Variants in TAFA4 observed in about 807,000 individuals in gnomAD.
TAFA4 encodes chemokine-like protein TAFA-4.
A neutral mutation model predicts 21.1 loss-of-function variants in TAFA4; 20 were observed. The ratio of observed to expected loss-of-function variants is 0.95; its 90% CI spans 0.67 to 1.38. The LOEUF is 1.38. TAFA4 is among the 40% of genes most tolerant of loss of function. The probability of loss-of-function intolerance (pLI) is 0.00; values close to 1 mark genes in which losing one functional copy is unlikely to be tolerated. For missense variants in TAFA4, 211 were observed against 180.9 expected (o/e 1.17, Z -0.95); for synonymous variants, 71 against 67.4 (o/e 1.05, Z -0.26).
intron 3 of TAFA4, among the ~76,000 whole-genome samples, chr3:68,763,392 C>A (rs1702790682): frequency 6.6e-6 from 1 of 152,156 alleles, no homozygotes; most frequent in South Asian, 2.1e-4. Context: ...GAGCCTTCTT[C>A]CTACACCAAA....
chr3:68,758,995 A>C lies in TAFA4; in HGVS notation c.131-5977T>G, dbSNP rs115521592. ...GGGGACTCAGGAGAGCCATTTGTCT[A>C]GTTTCAGTCCAAGTCCAAAGGCCTG... On this transcript the variant is annotated intron_variant, in intron 3 of 5. Transcript: ENST00000295569. Among the ~76,000 whole-genome samples the C allele has an allele frequency of 5.7e-3, 866 of 152,314 alleles. 11 individuals are homozygous for C. Among genetic ancestry groups the C allele is most frequent in the African/African-American group, 0.02 (837 of 41,574 alleles).
At chr3:68,769,195 G>GGGAT (rs1575601506) in intron 3 of TAFA4, among the ~76,000 whole-genome samples, 1 of 152,132 alleles carries the variant, frequency 6.6e-6, no homozygotes, top group East Asian at 1.9e-4. Context: ...GCACATGGGA[G>GGGAT]GGATCTAGGT....
intron 3 of TAFA4, among the ~76,000 whole-genome samples, chr3:68,764,087 GAAA>G (rs1412369131): frequency 3.3e-5 from 5 of 152,052 alleles, no homozygotes; most frequent in African/African-American, 1.2e-4. Context: ...TTCATATGTT[GAAA>G]CTCTAGCCCT....
rs1206237996 is a variant in TAFA4, at chr3:68,733,138, T to C, written c.*4A>G. The C allele has an allele frequency of 6.2e-7, 1 of 1,613,238 alleles. No individual in the cohort carries two copies. Among genetic ancestry groups the C allele is most frequent in the Non-Finnish European group, 8.5e-7 (1 of 1,179,436 alleles). On this transcript the variant is annotated 3_prime_UTR_variant, in exon 6 of 6. Coordinates refer to ENST00000295569, the MANE Select transcript of TAFA4 (RefSeq NM_182522.5). The stretch of plus-strand genomic sequence containing the variant: ...TCCAGGATTGAAGCACACCTCTCTC[T>C]TCGCTACCGCGTTACCTAAAACAAA...
At chr3:68,774,434 G>T (rs939240806) in intron 3 of TAFA4, among the ~76,000 whole-genome samples, 5 of 151,954 alleles carry the variant, frequency 3.3e-5, no homozygotes, top group African/African-American at 1.2e-4. Flanking sequence ...CTTGTGGAAA[G>T]GAAAATTCTC....
At chr3:68,805,720 C>G (rs889534544) in intron 3 of TAFA4, among the ~76,000 whole-genome samples, 4 of 151,960 alleles carry the variant, frequency 2.6e-5, no homozygotes, top group African/African-American at 9.7e-5. Context: ...AAACCAAACA[C>G]CGCGTGTTCT....
intron 1 of TAFA4, among the ~76,000 whole-genome samples, chr3:68,909,326 C>T (rs897024531): frequency 6.6e-6 from 1 of 152,128 alleles, no homozygotes; most frequent in East Asian, 1.9e-4. Context: ...ATATCCATGG[C>T]GCTGAAGAAG....
At chr3:68,885,116 C>CT (rs1334107023) in intron 2 of TAFA4, 59 bp downstream of exon 2, 1 of 1,566,376 alleles carries the variant, frequency 6.4e-7, no homozygotes, top group African/African-American at 1.4e-5. Flanking sequence ...CTCACTTTTG[C>CT]TAAATTCTCA....
chr3:68,733,715 T>G (rs1256552419), intron 5 of TAFA4, among the ~76,000 whole-genome samples: 3 of 152,176 alleles, frequency 2.0e-5, no homozygotes, highest in Admixed American at 6.5e-5. Context: ...TTTTACGTGT[T>G]TGTTAGTCAA....
At chr3:68,857,727 A>T (rs1705101548) in intron 3 of TAFA4, among the ~76,000 whole-genome samples, 1 of 152,116 alleles carries the variant, frequency 6.6e-6, no homozygotes, top group Non-Finnish European at 1.5e-5. Context: ...AAAGTGTTCA[A>T]GACTGTTCCG....
chr3:68,882,202 A>C lies in TAFA4; in HGVS notation c.15-1357T>G, dbSNP rs2089626840. Among the ~76,000 whole-genome samples, 5 of 152,174 alleles carry C rather than the reference A, an allele frequency of 3.3e-5. No individual in the cohort carries two copies. In the South Asian group the frequency reaches 1.0e-3, roughly 32 times the overall value. On this transcript the variant is annotated intron_variant, in intron 2 of 5. Coordinates refer to ENST00000295569, the MANE Select transcript of TAFA4 (RefSeq NM_182522.5). ...TGGGTAATTTGCAATGCAGCAATAA[A>C]AAATTAATCTTTCATTTATGTGATG...
chr3:68,739,096 G>C lies in TAFA4; in HGVS notation c.390C>G (p.Gly130=), dbSNP rs1241734505. The change falls in exon 5 of 6, where the codon GGC becomes GGG. Residue 130 remains glycine (G), a synonymous_variant. Transcript: ENST00000295569. Reference sequence around the variant, plus strand: ...TTGCCTTCGTAGTTTTGACTTTATTGCCACTGCTACAGGACCAACCTGAGT... The same window carrying C: ...TTGCCTTCGTAGTTTTGACTTTATTCCCACTGCTACAGGACCAACCTGAGT... ...PDYSGWSCSS[G]NKVKTTKVTR The C allele has an allele frequency of 6.2e-7, 1 of 1,613,610 alleles. No homozygotes were observed. The highest frequency in any genetic ancestry group is 1.3e-5 in the African/African-American group (1 of 74,878).
rs189713873 is a variant in TAFA4, at chr3:68,772,656, A to G, written c.131-19638T>C. Among the ~76,000 whole-genome samples, 23 of 152,258 alleles carry G rather than the reference A, an allele frequency of 1.5e-4. No homozygotes were observed. The East Asian group carries it at 4.4e-3, about 29-fold the overall frequency. ...GCTTCACGTTGGGGCAGGCCATCAG[A>G]AAGACCAAGCACAGGATTAGAGGGT... On this transcript the variant is annotated intron_variant, in intron 3 of 5. Transcript: ENST00000295569.
chr3:68,909,244 G>C (rs2089932357), intron 1 of TAFA4, among the ~76,000 whole-genome samples: 1 of 152,100 alleles, frequency 6.6e-6, no homozygotes, highest in African/African-American at 2.4e-5. Context: ...TCTGTCTTGT[G>C]GAAGAGGAAT....
chr3:68,858,475 C>G (rs1010811246), intron 3 of TAFA4, among the ~76,000 whole-genome samples: 1 of 151,958 alleles, frequency 6.6e-6, no homozygotes, highest in African/African-American at 2.4e-5. Flanking sequence ...GAAATCATCA[C>G]TTTACTTACC....
intron 1 of TAFA4, among the ~76,000 whole-genome samples, chr3:68,932,002 C>A (rs2090163916): frequency 1.3e-5 from 2 of 152,174 alleles, no homozygotes; most frequent in African/African-American, 4.8e-5. Flanking sequence ...TGCCTCTCTC[C>A]AGCCACACAT....
chr3:68,748,535 G>T (rs1187255988), intron 4 of TAFA4, among the ~76,000 whole-genome samples: 3 of 152,178 alleles, frequency 2.0e-5, no homozygotes, highest in East Asian at 1.9e-4. Flanking sequence ...GAAGTCAGGA[G>T]ATCGAGACCA....
intron 3 of TAFA4, among the ~76,000 whole-genome samples, chr3:68,821,905 A>T (rs1050109267): frequency 6.6e-6 from 1 of 152,172 alleles, no homozygotes; most frequent in Non-Finnish European, 1.5e-5. Context: ...TGCCAAATCC[A>T]TCACTTAAAA....
chr3:68,784,685 G>A (rs1703216675), intron 3 of TAFA4, among the ~76,000 whole-genome samples: 1 of 152,232 alleles, frequency 6.6e-6, no homozygotes, highest in Admixed American at 6.5e-5. Flanking sequence ...TCCACAGGGT[G>A]GAAGGGGACC....
Sources: gnomAD v4.1 joint callset for allele counts (sites outside exome capture counted in the v4.1 genomes callset) on GRCh38, gnomAD v4.1.1 for gene constraint, MANE v1.5 for transcripts, NCBI Gene and HGNC (gene_info 2026-07-23, HGNC 2026-07-21) for gene names.